VDR: variants seen among roughly 807,000 people sequenced by gnomAD.
The protein encoded by VDR is vitamin D3 receptor.
In VDR, 19 loss-of-function variants were observed where a neutral mutation model predicts 39.7. That is an observed-to-expected ratio of 0.48 (90% CI 0.33 to 0.70). The LOEUF (loss-of-function observed/expected upper bound fraction) is 0.70, where lower values mean the gene tolerates loss of function less well. Ranked by LOEUF, VDR falls within the 30% of genes least tolerant of loss-of-function variation. VDR has a pLI of 0.02. For synonymous variants in VDR, 242 were observed against 215.8 expected, an observed-to-expected ratio of 1.12 and a Z score of -1.07; for missense variants, 442 against 570.5, an observed-to-expected ratio of 0.77 and a Z score of 2.29.
At chr12:47,870,671 G>T (rs142752079) in intron 3 of VDR, among the ~76,000 whole-genome samples, 1 of 152,290 alleles carries the variant, frequency 6.6e-6, no homozygotes, top group East Asian at 1.9e-4. Flanking sequence ...TCCAGTAGGT[G>T]GCCTCTGCCA....
chr12:47,882,623 G>GCCCCCCGGCCCCCCCC, intron 2 of VDR, 71 bp downstream of exon 2: 1 of 543,282 alleles, frequency 1.8e-6, no homozygotes, highest in Non-Finnish European at 3.2e-6. Context: ...ACCTTCTTAT[G>GCCCCCCGGCCCCCCCC]CCCCTCCCCC....
intron 1 of VDR, among the ~76,000 whole-genome samples, chr12:47,899,507 C>T (rs566276205): frequency 6.6e-6 from 1 of 152,370 alleles, no homozygotes; most frequent in Non-Finnish European, 1.5e-5. Flanking sequence ...TACAAAGCGA[C>T]CTCGCCAAGA....
intron 9 of VDR, among the ~76,000 whole-genome samples, chr12:47,845,594 C>T (rs1945264551): frequency 6.6e-6 from 1 of 151,990 alleles, no homozygotes; most frequent in Non-Finnish European, 1.5e-5. Context: ...AGCCTGTGTC[C>T]CATTTGCTGC....
chr12:47,886,480 C>A (rs1032469940), intron 1 of VDR, among the ~76,000 whole-genome samples: 4 of 152,180 alleles, frequency 2.6e-5, no homozygotes, highest in African/African-American at 9.7e-5. Flanking sequence ...CAGTACCTCC[C>A]AGAAGAAGCT....
intron 4 of VDR, among the ~76,000 whole-genome samples, chr12:47,861,952 A>G (rs1219822859): frequency 6.6e-6 from 1 of 152,242 alleles, no homozygotes; most frequent in Non-Finnish European, 1.5e-5. Context: ...CAGGTTTGGG[A>G]GAATCTTACT....
intron 1 of VDR, 65 bp downstream of exon 1, chr12:47,904,890 C>T (rs1445562649): frequency 3.2e-6 from 1 of 309,044 alleles, no homozygotes; most frequent in Non-Finnish European, 6.0e-6. Flanking sequence ...GCCCCGGTAT[C>T]CCAGACGCCC....
chr12:47,871,323 T>TTTCTTTCC (rs1945865023), intron 3 of VDR, among the ~76,000 whole-genome samples: 1 of 143,484 alleles, frequency 7.0e-6, no homozygotes, highest in African/African-American at 2.6e-5. Flanking sequence ...TCTTTCTTTC[T>TTTCTTTCC]TTCTTTCTTT....
intron 7 of VDR, among the ~76,000 whole-genome samples, chr12:47,853,768 A>C (rs896460140): frequency 6.6e-6 from 1 of 151,716 alleles, no homozygotes; most frequent in Admixed American, 6.6e-5. Flanking sequence ...AAAAAATACA[A>C]AAAATTAGCC....
chr12:47,894,286 A>G (rs1224443938), intron 1 of VDR, among the ~76,000 whole-genome samples: 1 of 152,174 alleles, frequency 6.6e-6, no homozygotes, highest in Non-Finnish European at 1.5e-5. Context: ...TGCCCACCGG[A>G]TGTCTGAACC....
intron 7 of VDR, among the ~76,000 whole-genome samples, chr12:47,850,922 C>G (rs948859775): frequency 2.7e-5 from 4 of 145,774 alleles, no homozygotes; most frequent in Admixed American, 6.9e-5. Context: ...GGGCTCTTAT[C>G]TCCTTGCAGC....
chr12:47,860,958 T>C (rs1160094161), intron 4 of VDR, among the ~76,000 whole-genome samples: 1 of 152,256 alleles, frequency 6.6e-6, no homozygotes, highest in Non-Finnish European at 1.5e-5. Context: ...TTAACTCATA[T>C]ATTTAGCCCT....
At chr12:47,887,620 C>T (rs984064646) in intron 1 of VDR, among the ~76,000 whole-genome samples, 6 of 152,230 alleles carry the variant, frequency 3.9e-5, no homozygotes, top group Non-Finnish European at 8.8e-5. Context: ...GCACAGACAG[C>T]GTCCACCTTT....
intron 2 of VDR, among the ~76,000 whole-genome samples, 193 bp from the exon 3 acceptor site, chr12:47,879,308 G>A (rs535823275): frequency 3.6e-4 from 55 of 151,370 alleles, no homozygotes; most frequent in Non-Finnish European, 6.8e-4. Flanking sequence ...TACATGATTC[G>A]CCCTACATAG....
chr12:47,902,324 C>A (rs1946580000), intron 1 of VDR, among the ~76,000 whole-genome samples: 1 of 152,200 alleles, frequency 6.6e-6, no homozygotes, highest in Admixed American at 6.5e-5. Flanking sequence ...ACAAGCAAGG[C>A]CTTGGTGGCC....
intron 1 of VDR, among the ~76,000 whole-genome samples, chr12:47,888,001 C>T (rs1192676948): frequency 6.6e-6 from 1 of 152,168 alleles, no homozygotes; most frequent in African/African-American, 2.4e-5. Flanking sequence ...TTTCACGATG[C>T]TGATAAAGAC....
At chr12:47,887,322 CAAAAAA>C (rs10686139) in intron 1 of VDR, among the ~76,000 whole-genome samples, 3 of 72,106 alleles carry the variant, frequency 4.2e-5, no homozygotes, top group Non-Finnish European at 7.6e-5. Context: ...AACTCCGTCT[CAAAAAA>C]AAAAAAAAAA....
At chr12:47,862,166 A>C (rs2239181) in intron 4 of VDR, among the ~76,000 whole-genome samples, 18,206 of 152,258 alleles carry the variant, frequency 0.12, 1,125 homozygotes, top group East Asian at 0.22. Context: ...TATAAGCAAA[A>C]AGCAAGAACT....
At chr12:47,886,946 A>G (rs1398956676) in intron 1 of VDR, among the ~76,000 whole-genome samples, 2 of 151,946 alleles carry the variant, frequency 1.3e-5, no homozygotes, top group Admixed American at 6.6e-5. Context: ...AGACAAAGCT[A>G]CTAGGCCATT....
At chr12:47,899,634 G>T (rs12309705) in intron 1 of VDR, among the ~76,000 whole-genome samples, 11 of 152,340 alleles carry the variant, frequency 7.2e-5, no homozygotes, top group South Asian at 2.1e-4. Flanking sequence ...AGACCCACAG[G>T]GGGTGGGGCA....
Sources: allele counts gnomAD v4.1 joint callset (sites outside exome capture counted in the v4.1 genomes callset), GRCh38; gene constraint gnomAD v4.1.1; transcripts MANE v1.5; gene names NCBI Gene and HGNC (gene_info 2026-07-23, HGNC 2026-07-21).